The following PCDH9 variants were observed in gnomAD, a reference collection of about 807,000 sequenced individuals.
The protein encoded by PCDH9 is protocadherin 9, also known as protocadherin-9.
A neutral mutation model predicts 70.6 loss-of-function variants in PCDH9; 24 were observed. The observed-to-expected ratio is 0.34, with a 90% CI of 0.25 to 0.48. PCDH9 has a LOEUF of 0.48. Among genes scored for constraint, PCDH9 ranks in the 20% least tolerant of loss-of-function variants. PCDH9 has a pLI of 0.99. For synonymous variants in PCDH9, 562 were observed against 558.5 expected (o/e 1.01, Z -0.09); for missense variants, 1,281 against 1,503.6 (o/e 0.85, Z 2.45).
chr13:66,489,539 T>C lies in PCDH9; in HGVS notation c.3340+141671A>G, dbSNP rs535246618. 8.5e-5 allele frequency among the ~76,000 whole-genome samples: 13 copies of C among 152,324 alleles called. No individual in the cohort carries two copies. The South Asian group carries it at 2.7e-3, about 32-fold the overall frequency. On this transcript the variant is annotated intron_variant, in intron 4 of 4. Transcript: ENST00000377865. ...GTTGCCCAACCTTGTCTCAAACTCCTAGGCTCAAGGGATTCTCCTGCTTCA... is the reference window on the plus strand; with the variant it reads ...GTTGCCCAACCTTGTCTCAAACTCCCAGGCTCAAGGGATTCTCCTGCTTCA...
chr13:67,001,152 C>G (rs893615736), intron 2 of PCDH9, among the ~76,000 whole-genome samples: 7 of 152,138 alleles, frequency 4.6e-5, no homozygotes, highest in African/African-American at 1.7e-4. Flanking sequence ...TATTTTCCAA[C>G]TAGAGAGCCG....
At chr13:67,047,192 C>T (rs1221807280) in intron 2 of PCDH9, among the ~76,000 whole-genome samples, 1 of 152,230 alleles carries the variant, frequency 6.6e-6, no homozygotes, top group East Asian at 1.9e-4. Context: ...CACTCTAATG[C>T]CTTTTTCCAA....
At chr13:66,743,342 G>T (rs1394973182) in intron 3 of PCDH9, among the ~76,000 whole-genome samples, 25 of 122,546 alleles carry the variant, frequency 2.0e-4, no homozygotes, top group East Asian at 7.9e-4. Context: ...TGGGGACTGT[G>T]GTGGGGTGGG....
At chr13:66,974,894 T>C (rs2083587699) in intron 2 of PCDH9, among the ~76,000 whole-genome samples, 1 of 152,044 alleles carries the variant, frequency 6.6e-6, no homozygotes, top group Admixed American at 6.6e-5. Context: ...TCTGCAACAG[T>C]GTTATGACAT....
intron 2 of PCDH9, among the ~76,000 whole-genome samples, chr13:67,187,690 T>C (rs545915667): frequency 3.9e-4 from 59 of 152,172 alleles, no homozygotes; most frequent in Non-Finnish European, 7.5e-4. Flanking sequence ...AATGCAACTA[T>C]ATTCACAATA....
intron 3 of PCDH9, among the ~76,000 whole-genome samples, chr13:66,781,637 TA>T (rs2139299373): frequency 6.6e-6 from 1 of 152,298 alleles, no homozygotes; most frequent in East Asian, 1.9e-4. Flanking sequence ...TTACATGAAT[TA>T]TTTTTTGGCA....
chr13:66,993,527 C>T (rs1348978507), intron 2 of PCDH9, among the ~76,000 whole-genome samples: 2 of 152,106 alleles, frequency 1.3e-5, no homozygotes, highest in Non-Finnish European at 2.9e-5. Flanking sequence ...GACCTCCCTA[C>T]CAACTTGCAC....
chr13:66,445,823 T>C (rs1389813653), intron 4 of PCDH9, among the ~76,000 whole-genome samples: 2 of 109,314 alleles, frequency 1.8e-5, no homozygotes, highest in African/African-American at 5.6e-5. Context: ...TATACACATA[T>C]ATACACACAC....
intron 4 of PCDH9, among the ~76,000 whole-genome samples, chr13:66,489,107 G>A (rs1236135146): frequency 1.1e-4 from 16 of 151,980 alleles, no homozygotes; most frequent in Admixed American, 1.0e-3. Flanking sequence ...TAATATATAG[G>A]TAGACACTTT....
chr13:66,955,001 G>A (rs2083245403), intron 2 of PCDH9, among the ~76,000 whole-genome samples: 1 of 152,102 alleles, frequency 6.6e-6, no homozygotes, highest in Non-Finnish European at 1.5e-5. Context: ...CTGACCTCGT[G>A]ATCTGCCCGC....
intron 4 of PCDH9, among the ~76,000 whole-genome samples, chr13:66,491,385 T>TGTG (rs1555299289): frequency 2.2e-5 from 3 of 136,030 alleles, no homozygotes; most frequent in Non-Finnish European, 1.6e-5. Context: ...GCAGGAGATA[T>TGTG]TGTGTGTGTG....
Position 66,964,428 on chromosome 13 carries a change from C to A in PCDH9, c.3037-60823G>T, listed in dbSNP as rs573323611. Among the ~76,000 whole-genome samples, 3 of 152,060 alleles carry A rather than the reference C, an allele frequency of 2.0e-5. No homozygotes were observed. The South Asian group carries it at 6.2e-4, about 32-fold the overall frequency. On this transcript the variant is annotated intron_variant, in intron 2 of 4. Coordinates refer to ENST00000377865, the MANE Select transcript of PCDH9 (RefSeq NM_203487.3). The stretch of plus-strand genomic sequence containing the variant: ...AGAGAAAGAAATTCTACCCCTATGA[C>A]CCAAAGCTATTGCATTCCTTGGCTT...
At chr13:66,849,547 T>C (rs1252922289) in intron 3 of PCDH9, among the ~76,000 whole-genome samples, 3 of 44,700 alleles carry the variant, frequency 6.7e-5, no homozygotes, top group Admixed American at 4.2e-4. Context: ...GAGAGAGAGA[T>C]TGCAAATCTT....
At chr13:66,870,408 G>T (rs1445973222) in intron 3 of PCDH9, among the ~76,000 whole-genome samples, 7 of 152,048 alleles carry the variant, frequency 4.6e-5, no homozygotes, top group Admixed American at 4.6e-4. Context: ...AAACTAAAGA[G>T]CTTCTTCACA....
intron 4 of PCDH9, among the ~76,000 whole-genome samples, chr13:66,622,780 T>A (rs2138907097): frequency 6.6e-6 from 1 of 152,286 alleles, no homozygotes; most frequent in African/African-American, 2.4e-5. Flanking sequence ...GGGCAGGCAG[T>A]GGCAATCCGC....
At chr13:67,220,841 C>G (rs2089708946) in intron 2 of PCDH9, 1 of 151,894 alleles carries the variant, frequency 6.6e-6, no homozygotes, top group Non-Finnish European at 1.5e-5. Context: ...CAATGGAAGG[C>G]CAAAATGCGT....
At chr13:67,087,246 C>T (rs1004869214) in intron 2 of PCDH9, among the ~76,000 whole-genome samples, 10 of 151,910 alleles carry the variant, frequency 6.6e-5, no homozygotes, top group Admixed American at 2.0e-4. Flanking sequence ...AAAGAAGGGG[C>T]TTAACTGTTC....
Position 67,165,488 on chromosome 13 carries a change from A to T in PCDH9, c.3036+59917T>A, listed in dbSNP as rs370926035. ...AAATATTCCAATACTTACCTCATTT[A>T]TATTCCCACTAACTCTGATATTGCT... On this transcript the variant is annotated intron_variant, in intron 2 of 4. Coordinates refer to ENST00000377865, the MANE Select transcript of PCDH9 (RefSeq NM_203487.3). Among the ~76,000 whole-genome samples, 16 of 152,266 alleles carry T rather than the reference A, an allele frequency of 1.1e-4. No individual in the cohort carries two copies. The East Asian group carries it at 2.1e-3, about 20-fold the overall frequency.
chr13:66,687,842 C>A (rs755189783), intron 3 of PCDH9, among the ~76,000 whole-genome samples: 2 of 152,068 alleles, frequency 1.3e-5, no homozygotes, highest in Non-Finnish European at 2.9e-5. Context: ...GTAAGATTAC[C>A]CTCTTCAAGA....
Sources: allele counts gnomAD v4.1 joint callset (sites outside exome capture counted in the v4.1 genomes callset), GRCh38; gene constraint gnomAD v4.1.1; transcripts MANE v1.5; gene names NCBI Gene and HGNC (gene_info 2026-07-23, HGNC 2026-07-21).